Variants in NEK11 observed in about 807,000 individuals in gnomAD.
NEK11 encodes serine/threonine-protein kinase Nek11.
Under a neutral mutation model 80.7 loss-of-function variants are expected in NEK11, and 72 were observed. The observed-to-expected ratio is 0.89, with a 90% confidence interval of 0.74 to 1.08. NEK11 has a LOEUF of 1.08. NEK11 is among the 50% of genes least tolerant of loss of function. NEK11 has a pLI of 0.00. For missense variants in NEK11, 764 were observed against 763.6 expected (o/e 1.00, Z -0.01); for synonymous variants, 251 against 260.7 (o/e 0.96, Z 0.36).
chr3:131,232,287 G>A (rs1054254211), intron 15 of NEK11, among the ~76,000 whole-genome samples: 2 of 152,170 alleles, frequency 1.3e-5, no homozygotes, highest in Admixed American at 6.5e-5. Flanking sequence ...TGTTTTATGC[G>A]CTCTAATGGA....
At chr3:131,194,636 A>G (rs141101521) in intron 14 of NEK11, among the ~76,000 whole-genome samples, 151 of 152,180 alleles carry the variant, frequency 9.9e-4, no homozygotes, top group South Asian at 3.9e-3. Context: ...TTATCTCAAC[A>G]TTTTAACTGT....
chr3:131,056,577 T>C (rs1351151343), intron 3 of NEK11, among the ~76,000 whole-genome samples: 6 of 152,164 alleles, frequency 3.9e-5, no homozygotes, highest in Non-Finnish European at 2.9e-5. Context: ...TACCCCAAGA[T>C]CAGAGTGCCT....
At chr3:131,166,670 G>A (rs2092268240) in intron 12 of NEK11, among the ~76,000 whole-genome samples, 1 of 152,090 alleles carries the variant, frequency 6.6e-6, no homozygotes, top group Non-Finnish European at 1.5e-5. Context: ...TTAAGTGAAG[G>A]CCCCCTGTGG....
At chr3:131,318,017 C>G (rs1411477424) in intron 17 of NEK11, among the ~76,000 whole-genome samples, 1 of 152,142 alleles carries the variant, frequency 6.6e-6, no homozygotes, top group Non-Finnish European at 1.5e-5. Flanking sequence ...TTCCTGCTTT[C>G]TTCAGATTCT....
At chr3:131,266,982 G>C (rs1345978645) in intron 16 of NEK11, among the ~76,000 whole-genome samples, 3 of 152,154 alleles carry the variant, frequency 2.0e-5, no homozygotes, top group African/African-American at 7.2e-5. Flanking sequence ...TTGGTTTAAA[G>C]TCTGTTTTAT....
intron 17 of NEK11, among the ~76,000 whole-genome samples, chr3:131,298,917 T>G (rs1051661507): frequency 1.3e-4 from 20 of 150,148 alleles, no homozygotes; most frequent in African/African-American, 4.8e-4. Context: ...TCCTTAGATA[T>G]TCTCTTCTGT....
chr3:131,152,234 A>G (rs2089796356), intron 7 of NEK11, among the ~76,000 whole-genome samples, 154 bp from the exon 8 acceptor site: 1 of 152,048 alleles, frequency 6.6e-6, no homozygotes, highest in African/African-American at 2.4e-5. Context: ...ATTTAAATGG[A>G]AAAAAACTGT....
chr3:131,291,424 A>C (rs78739018), intron 17 of NEK11, among the ~76,000 whole-genome samples: 2,190 of 152,186 alleles, frequency 0.014, 54 homozygotes, highest in African/African-American at 0.05. Flanking sequence ...CATATTTTCA[A>C]CTCCTCTAGG....
At chr3:131,338,116 G>A (rs1199137558) in intron 17 of NEK11, among the ~76,000 whole-genome samples, 4 of 151,980 alleles carry the variant, frequency 2.6e-5, no homozygotes, top group Middle Eastern at 3.4e-3. Context: ...ACAGGCACAC[G>A]CCGCCATGCC....
intron 14 of NEK11, among the ~76,000 whole-genome samples, chr3:131,210,932 G>T (rs936839526): frequency 3.3e-5 from 5 of 152,042 alleles, no homozygotes; most frequent in Admixed American, 2.0e-4. Context: ...TATCCAATTT[G>T]CCAGTCTGTG....
chr3:131,231,287 G>A (rs1481204184), intron 15 of NEK11, among the ~76,000 whole-genome samples: 1 of 150,038 alleles, frequency 6.7e-6, no homozygotes, highest in Non-Finnish European at 1.5e-5. Context: ...CTCTAATTGA[G>A]GAAAGTTAGT....
chr3:131,302,474 G>A (rs899796727), intron 17 of NEK11, among the ~76,000 whole-genome samples: 9 of 151,812 alleles, frequency 5.9e-5, no homozygotes, highest in Admixed American at 5.3e-4. Flanking sequence ...CTAACTTTTT[G>A]ATGTGAACAT....
intron 14 of NEK11, among the ~76,000 whole-genome samples, chr3:131,186,915 A>G (rs2093623355): frequency 6.6e-6 from 1 of 152,190 alleles, no homozygotes. Flanking sequence ...TATCCACTCT[A>G]CCTCAAAGGC....
rs1210973203 is a variant in NEK11, at chr3:131,029,729, A to G, written c.21A>G (p.Ala7=). ...GAGCAATGCTGAAATTCCAAGAGGC[A>G]GCTAAGTGTGTGAGTGGATCAACAG... is the stretch of plus-strand genomic sequence containing the variant. MLKFQE[A]AKCVSGSTAI... is the part of the protein sequence containing the mutation. Residue 7 remains alanine, a synonymous_variant, in exon 3 of 18, where the codon GCA becomes GCG. Transcript: ENST00000383366. 1.2e-6 allele frequency: 2 copies of G among 1,614,170 alleles called. No homozygotes were observed. Among genetic ancestry groups the G allele is most frequent in the East Asian group, 4.5e-5 (2 of 44,884 alleles).
chr3:131,183,782 T>C (rs185506300), intron 14 of NEK11, among the ~76,000 whole-genome samples: 27 of 152,340 alleles, frequency 1.8e-4, no homozygotes, highest in Admixed American at 5.2e-4. Flanking sequence ...ATGATTTATA[T>C]TCCTTTGGGT....
chr3:131,109,610 G>A (rs749531310), intron 4 of NEK11, 193 bp from the exon 5 acceptor site: 16 of 540,946 alleles, frequency 3.0e-5, no homozygotes, highest in Non-Finnish European at 4.8e-5. Context: ...ATAGGTTAAT[G>A]TTGAGGCCGA....
intron 4 of NEK11, among the ~76,000 whole-genome samples, chr3:131,090,480 G>A (rs1370294088): frequency 5.9e-5 from 9 of 152,186 alleles, no homozygotes; most frequent in South Asian, 2.1e-4. Context: ...AGCAATAAAA[G>A]TCACTATTAA....
chr3:131,172,984 T>C (rs1421022065), intron 14 of NEK11, among the ~76,000 whole-genome samples: 1 of 152,226 alleles, frequency 6.6e-6, no homozygotes, highest in African/African-American at 2.4e-5. Context: ...CGTGACAGTT[T>C]ACACATGCCA....
chr3:131,218,430 A>G (rs2094913004), intron 14 of NEK11, among the ~76,000 whole-genome samples: 2 of 152,346 alleles, frequency 1.3e-5, no homozygotes, highest in Admixed American at 6.5e-5. Context: ...TCACTCAGTC[A>G]TTGGCCAGGA....
Sources: allele counts gnomAD v4.1 joint callset (sites outside exome capture counted in the v4.1 genomes callset), GRCh38; gene constraint gnomAD v4.1.1; transcripts MANE v1.5; gene names NCBI Gene and HGNC (gene_info 2026-07-23, HGNC 2026-07-21).